Variants in ZNF444 observed in about 807,000 individuals in gnomAD.
The protein encoded by ZNF444 is zinc finger protein 444.
Under a neutral mutation model 14.4 loss-of-function variants are expected in ZNF444, and 8 were observed. The observed-to-expected ratio is 0.56, with a 90% confidence interval of 0.33 to 1.00. The LOEUF (loss-of-function observed/expected upper bound fraction) is 1.00. Ranked by LOEUF, ZNF444 falls within the 50% of genes least tolerant of loss-of-function variation. The pLI, the probability that ZNF444 is intolerant of heterozygous loss-of-function variation, is 0.03. For synonymous variants in ZNF444, 258 were observed against 235.9 expected (o/e 1.09, Z -0.86); for missense variants, 510 against 504.8 (o/e 1.01, Z -0.10).
At chr19:56,141,658 G>GGGGGA (rs1200122132) in intron 1 of ZNF444, 1 of 101,058 alleles carries the variant, frequency 9.9e-6, no homozygotes, top group Non-Finnish European at 2.2e-5. Context: ...GGGAGGGGGA[G>GGGGGA]GGGCGGGACG....
In ZNF444 at chr19:56,147,570, C is replaced by G. The variant is rs1369634339; in HGVS notation, c.297+362C>G. On this transcript the variant is annotated intron_variant, in intron 3 of 4. Coordinates refer to ENST00000337080, the MANE Select transcript of ZNF444 (RefSeq NM_018337.4). The surrounding 1 kb of genome is among the most constrained non-coding windows in gnomAD (Gnocchi z 5.9). ...AGCTGTCCTCTCCCCGCACCCCGCC[C>G]GCACGCAGGGGGTCTTGCCGGCCAG... Among the ~76,000 whole-genome samples the G allele has an allele frequency of 6.6e-6, 1 of 152,078 alleles. No homozygotes were observed. Among genetic ancestry groups the G allele is most frequent in the African/African-American group, 2.4e-5 (1 of 41,406 alleles).
rs61365745 is a variant in ZNF444, at chr19:56,132,935, C to CTTTTTTTTTTTTTTTTTTT, written c.-197+159_-197+177dup. Among the ~76,000 whole-genome samples the CTTTTTTTTTTTTTTTTTTT allele has an allele frequency of 7.9e-4, 74 of 94,254 alleles. 4 individuals carry two copies. The highest frequency in any genetic ancestry group is 1.1e-3 in the Non-Finnish European group (57 of 52,592). The allele number at this position is 94,254 out of a possible 152,430, so 61.8% of individuals were successfully genotyped here. On this transcript the variant is annotated intron_variant, in intron 1 of 2. Coordinates refer to the ZNF444 transcript ENST00000587467. ...TTTCTTTTTCTTTCTTTCTTTCTTTCTTTTTTTTTTTTTTTTTTTTGAGAC... is the reference window on the plus strand; with the variant it reads ...TTTCTTTTTCTTTCTTTCTTTCTTTCTTTTTTTTTTTTTTTTTTTTTTTTTTTTTTTTTTTTTTTGAGAC...
intron 3 of ZNF444, among the ~76,000 whole-genome samples, chr19:56,153,695 C>T (rs904162456): frequency 1.3e-5 from 2 of 152,052 alleles, no homozygotes; most frequent in African/African-American, 2.4e-5. Context: ...GTCTGCCAAT[C>T]GGGGAAGTGC....
intron 3 of ZNF444, chr19:56,155,244 C>T (rs1003309676): frequency 6.6e-6 from 1 of 152,370 alleles, no homozygotes; most frequent in African/African-American, 2.4e-5. Flanking sequence ...CCCAACTGTC[C>T]TCCTGCCGTG....
At chr19:56,137,291 C>G (rs946076123), upstream of ZNF444, among the ~76,000 whole-genome samples, 1 of 150,384 alleles carries the variant, frequency 6.6e-6, no homozygotes, top group East Asian at 2.0e-4. Context: ...GCCAACATGG[C>G]AAAACCCCGT....
intron 3 of ZNF444, chr19:56,152,022 C>T: frequency 4.9e-6 from 2 of 410,342 alleles, no homozygotes; most frequent in African/African-American, 2.1e-5. Context: ...CAGTAGAGCT[C>T]ACCTGGAAAC....
chr19:56,140,039 T>G (rs545570), upstream of ZNF444, among the ~76,000 whole-genome samples: 144,131 of 152,274 alleles, frequency 0.95, 68,830 homozygotes, highest in Non-Finnish European at 1. Context: ...CAGGGCAGAT[T>G]AGGCCACCGT....
In ZNF444 at chr19:56,147,039, C is replaced by T. The variant is rs2031236505; in HGVS notation, c.128C>T (p.Ala43Val). ...CGGGAGGCGCTGGGGCTGCTCCGCG[C>T]CCTGTGCCGGGACTGGCTGCGGCCC... is the stretch of plus-strand genomic sequence containing the variant. ...GPREALGLLR[A>V]LCRDWLRPEV... The change falls in exon 3 of 5, where the codon GCC (alanine) becomes GTC (valine). Residue 43 changes from alanine (A) to valine (V), a missense_variant. Coordinates refer to ENST00000337080, the MANE Select transcript of ZNF444 (RefSeq NM_018337.4). The surrounding 1 kb of genome is among the most constrained non-coding windows in gnomAD (Gnocchi z 5.9). 4 of 1,543,572 alleles carry T rather than the reference C, an allele frequency of 2.6e-6. No homozygotes were observed. The highest frequency in any genetic ancestry group is 3.5e-6 in the Non-Finnish European group (4 of 1,152,234).
In ZNF444 at chr19:56,146,995, G is replaced by C; in HGVS notation, c.84G>C (p.Leu28=). 6.9e-7 allele frequency: 1 copy of C among 1,443,268 alleles called. No homozygotes were observed. The highest frequency in any genetic ancestry group is 1.4e-5 in the South Asian group (1 of 69,152). The allele number at this position is 1,443,268 out of a possible 1,614,324, so 89.4% of individuals were successfully genotyped here. A position where few individuals can be genotyped will look rare whatever the true frequency, so the allele number is the denominator to read the frequency against. ...SPWHRFRRFH[L]GDAPGPREAL... ...GGCACCGCTTCCGCCGCTTCCACCT[G>C]GGCGACGCGCCGGGCCCGCGGGAGG... The change falls in exon 3 of 5, where the codon CTG becomes CTC. Residue 28 remains leucine (L), a synonymous_variant. Coordinates refer to ENST00000337080, the MANE Select transcript of ZNF444 (RefSeq NM_018337.4).
intron 3 of ZNF444, chr19:56,150,623 T>C (rs1164441680): frequency 4.4e-6 from 2 of 453,170 alleles, no homozygotes; most frequent in Non-Finnish European, 8.9e-6. Context: ...CCAGCAATGA[T>C]ACAACATGGT....
At chr19:56,136,081 CAAAAAAAAA>C (rs1199112916) in intron 1 of ZNF444, among the ~76,000 whole-genome samples, 4 of 59,472 alleles carry the variant, frequency 6.7e-5, no homozygotes, top group South Asian at 1.1e-3. Flanking sequence ...GATTCCGTCT[CAAAAAAAAA>C]AAAAAAAAAA....
At chr19:56,149,354 TC>T (rs1329600408) in intron 3 of ZNF444, among the ~76,000 whole-genome samples, 1 of 90,960 alleles carries the variant, frequency 1.1e-5, no homozygotes, top group Non-Finnish European at 2.1e-5. Flanking sequence ...TCTGCTTCCA[TC>T]CCCCATCACT....
Position 56,159,875 on chromosome 19 carries a change from G to A in ZNF444, c.658G>A (p.Glu220Lys), listed in dbSNP as rs1239562784. The change falls in exon 5 of 5, where the codon GAG becomes AAG. Residue 220 changes from glutamate (E) to lysine (K), a missense_variant. Physicochemically the swap from Glu to Lys is moderately conservative, Grantham distance 56 (BLOSUM62 1). Transcript: ENST00000337080. ...PECGKAFRRK[E>K]HLRRHRDTHP... ...GTGCGGGAAGGCCTTTCGGCGCAAG[G>A]AGCACCTGCGGCGCCACCGCGACAC... 6.5e-7 allele frequency: 1 copy of A among 1,531,910 alleles called. No homozygotes were observed. The highest frequency in any genetic ancestry group is 8.7e-7 in the Non-Finnish European group (1 of 1,144,984). The allele number at this position is 1,531,910 out of a possible 1,614,324, so 94.9% of individuals were successfully genotyped here.
intron 3 of ZNF444, chr19:56,158,211 G>A (rs1486974198): frequency 6.9e-6 from 2 of 290,588 alleles, no homozygotes; most frequent in East Asian, 6.1e-5. Flanking sequence ...GCTTGGGCAC[G>A]CGGACCTGGC....
At chr19:56,138,944 C>T (rs914040404), upstream of ZNF444, among the ~76,000 whole-genome samples, 9 of 151,408 alleles carry the variant, frequency 5.9e-5, no homozygotes, top group African/African-American at 2.2e-4. Flanking sequence ...TTACAGGTGC[C>T]CGCCACCATG....
chr19:56,134,813 TAA>T (rs144406728), intron 1 of ZNF444, among the ~76,000 whole-genome samples: 1 of 143,336 alleles, frequency 7.0e-6, no homozygotes, highest in Non-Finnish European at 1.5e-5. Context: ...GCCCTGTGTT[TAA>T]AAAAAAAAAA....
chr19:56,158,648 G>T, intron 4 of ZNF444, 46 bp downstream of exon 4: 1 of 1,502,604 alleles, frequency 6.7e-7, no homozygotes, highest in Non-Finnish European at 9.0e-7. Context: ...CCCCAGCACC[G>T]GGGAGGGGGT....
rs139568096 is a variant in ZNF444, at chr19:56,150,363, G to A, written c.297+3155G>A. The A allele has an allele frequency of 2.0e-3, 548 of 267,414 alleles. 2 individuals carry two copies. The Middle Eastern group carries it at 0.026, about 12-fold the overall frequency. 16.6% of individuals were successfully genotyped at this position (267,414 alleles called of 1,614,324 possible). On this transcript the variant is annotated intron_variant, in intron 3 of 4. Transcript: ENST00000337080. ...TTGGTTCAGTGAATCTAAAAGTCGG[G>A]AAATCACCAGGCTCCAGGCCGTCGG...
Position 56,134,718 on chromosome 19 carries a change from T to C in ZNF444, c.-197+1940T>C, listed in dbSNP as rs193149787. The stretch of plus-strand genomic sequence containing the variant: ...CCCACTTACCATACATTAGGACCTG[T>C]CCTAAACGCTGGTGTGCCAACATTG... On this transcript the variant is annotated intron_variant, in intron 1 of 2. Transcript: ENST00000587467. Among the ~76,000 whole-genome samples the C allele has an allele frequency of 3.3e-5, 5 of 152,102 alleles. No individual in the cohort carries two copies. The East Asian group carries it at 9.7e-4, about 29-fold the overall frequency.
Sources: gnomAD v4.1 joint callset for allele counts (sites outside exome capture counted in the v4.1 genomes callset) on GRCh38, gnomAD v4.1.1 for gene constraint, Gnocchi (gnomAD v3.1) non-coding constraint, MANE v1.5 for transcripts, NCBI Gene and HGNC (gene_info 2026-07-23, HGNC 2026-07-21) for gene names.